The following TMCO6 variants were observed in gnomAD, a reference collection of about 807,000 sequenced individuals.
TMCO6 encodes the protein transmembrane and coiled-coil domains 6.
In TMCO6, 47 loss-of-function variants were observed where a neutral mutation model predicts 61.8. The observed-to-expected ratio is 0.76, with a 90% CI of 0.60 to 0.97. The LOEUF (loss-of-function observed/expected upper bound fraction) is 0.97. TMCO6 is among the 50% of genes least tolerant of loss of function. The pLI, the probability that TMCO6 is intolerant of heterozygous loss-of-function variation, is 0.00. For synonymous variants in TMCO6, 261 were observed against 254.2 expected, an observed-to-expected ratio of 1.03 and a Z score of -0.25; for missense variants, 557 against 601.6, an observed-to-expected ratio of 0.93 and a Z score of 0.78.
the TMCO6 span, chr5:140,632,178 G>A: frequency 3.7e-6 from 6 of 1,613,824 alleles, no homozygotes; most frequent in African/African-American, 4.0e-5. The surrounding 1 kb of genome is among the most constrained non-coding windows in gnomAD (Gnocchi z 6.2). Context: ...GCATCTCGGA[G>A]CGCTAGGGTT....
intron 2 of TMCO6, 89 bp downstream of exon 2, chr5:140,639,940 C>A: frequency 9.1e-7 from 1 of 1,102,156 alleles, no homozygotes. Context: ...AACCTGAACG[C>A]AATCCACTCT....
chr5:140,642,671 C>T lies in TMCO6; in HGVS notation c.689C>T (p.Pro230Leu), dbSNP rs750952346. The T allele has an allele frequency of 6.8e-6, 11 of 1,614,128 alleles. No individual in the cohort carries two copies. Among genetic ancestry groups the T allele is most frequent in the East Asian group, 2.2e-5 (1 of 44,888 alleles). ...QAEEAPEKII[P>L]SILASTLPQH... is the part of the protein sequence containing the mutation. ...GAGGAAGCTCCAGAGAAGATCATTC[C>T]GTGAGTAAAATTGTCTTTAGATGTG... Residue 230 changes from proline to leucine, a missense_variant and splice_region_variant, in exon 6 of 12, where the codon CCC becomes CTC. Coordinates refer to ENST00000394671, the MANE Select transcript of TMCO6 (RefSeq NM_018502.5).
At position 140,645,177 on chromosome 5, in the gene TMCO6, G is replaced by T; in HGVS notation, c.*79G>T. ...TCCAGTAGAGCCTTTGGAGATTTAG[G>T]ACCATAATGAGGTCTCATGTTCTCT... On this transcript the variant is annotated 3_prime_UTR_variant, in exon 12 of 12. Coordinates refer to ENST00000394671, the MANE Select transcript of TMCO6 (RefSeq NM_018502.5). 7.0e-7 allele frequency: 1 copy of T among 1,436,898 alleles called. No individual in the cohort carries two copies. The highest frequency in any genetic ancestry group is 9.7e-7 in the Non-Finnish European group (1 of 1,028,010). 89.0% of individuals were successfully genotyped at this position (1,436,898 alleles called of 1,614,324 possible). A position where few individuals can be genotyped will look rare whatever the true frequency, so the allele number is the denominator to read the frequency against.
chr5:140,632,375 G>A, the TMCO6 span: 2 of 1,614,210 alleles, frequency 1.2e-6, no homozygotes, highest in Non-Finnish European at 8.5e-7. This position sits in a 1 kb window ranked among gnomAD's most constrained non-coding sequence, Gnocchi z 6.2. Context: ...GTCCAGGATT[G>A]TCAGACAGGT....
the TMCO6 span, among the ~76,000 whole-genome samples, chr5:140,617,245 GTGAAA>G: frequency 6.6e-6 from 1 of 152,110 alleles, no homozygotes; most frequent in Admixed American, 6.5e-5. Context: ...GGCCAACATG[GTGAAA>G]CCCCGTCTCT....
At chr5:140,637,224 T>C (rs1581453173), upstream of TMCO6, among the ~76,000 whole-genome samples, 1 of 152,044 alleles carries the variant, frequency 6.6e-6, no homozygotes, top group Non-Finnish European at 1.5e-5. Context: ...TGAGTCCAGA[T>C]TGGAGAGGTA....
the TMCO6 span, among the ~76,000 whole-genome samples, chr5:140,599,566 C>T: frequency 6.6e-6 from 1 of 152,206 alleles, no homozygotes; most frequent in African/African-American, 2.4e-5. Flanking sequence ...AACCAAGAAG[C>T]TCTTTGCTGT....
chr5:140,645,576 C>T (rs981585970), downstream of TMCO6: 12 of 1,614,062 alleles, frequency 7.4e-6, no homozygotes, highest in Admixed American at 6.7e-5. Context: ...TCTTAATCCT[C>T]AGTGGAGGCT....
the TMCO6 span, among the ~76,000 whole-genome samples, chr5:140,624,856 C>CTTT: frequency 3.4e-3 from 108 of 31,678 alleles, 1 homozygote; most frequent in African/African-American, 0.017. Context: ...TTCTTTCTTT[C>CTTT]TTTTTTTTTT....
chr5:140,622,150 G>C, the TMCO6 span, among the ~76,000 whole-genome samples: 1 of 152,170 alleles, frequency 6.6e-6, no homozygotes, highest in Non-Finnish European at 1.5e-5. Context: ...GGTTTTTGCA[G>C]CTTGTGGGGC....
upstream of TMCO6, among the ~76,000 whole-genome samples, chr5:140,635,608 C>A (rs969792591): frequency 6.6e-6 from 1 of 152,126 alleles, no homozygotes; most frequent in African/African-American, 2.4e-5. Context: ...ATTTGTCTAC[C>A]GAGTACTAGG....
At chr5:140,603,888 T>C in the TMCO6 span, among the ~76,000 whole-genome samples, 1 of 152,202 alleles carries the variant, frequency 6.6e-6, no homozygotes, top group African/African-American at 2.4e-5. Flanking sequence ...ATATGGTAAT[T>C]ATATGTTTAA....
At chr5:140,647,694 TA>T, downstream of TMCO6, 2 of 1,431,230 alleles carry the variant, frequency 1.4e-6, no homozygotes, top group Non-Finnish European at 1.9e-6. Context: ...AGGGGCGGGG[TA>T]AAGCTTGGCC....
the TMCO6 span, among the ~76,000 whole-genome samples, chr5:140,622,328 C>T: frequency 6.5e-4 from 99 of 152,152 alleles, no homozygotes; most frequent in Non-Finnish European, 1.3e-3. Flanking sequence ...ATTTTTGTGA[C>T]TTCTTAATGT....
chr5:140,644,542 C>G, intron 10 of TMCO6, 31 bp from the exon 11 acceptor site: 2 of 1,605,094 alleles, frequency 1.2e-6, no homozygotes, highest in African/African-American at 1.3e-5. Flanking sequence ...GTGTTTCATT[C>G]TTTGTAGACT....
chr5:140,643,379 T>C (rs895465786), intron 7 of TMCO6, 185 bp from the exon 8 acceptor site: 1 of 658,000 alleles, frequency 1.5e-6, no homozygotes, highest in African/African-American at 1.8e-5. Context: ...GTATTTCTAA[T>C]AGAGACGGAG....
At chr5:140,608,171 T>C in the TMCO6 span, among the ~76,000 whole-genome samples, 2 of 152,342 alleles carry the variant, frequency 1.3e-5, no homozygotes, top group Admixed American at 1.3e-4. Flanking sequence ...TCATTTATTA[T>C]AATTTCTTTG....
intron 1 of TMCO6, 21 bp downstream of exon 1, chr5:140,639,633 G>A: frequency 6.5e-7 from 1 of 1,540,396 alleles, no homozygotes; most frequent in South Asian, 1.2e-5. Flanking sequence ...CCGAGGGAGC[G>A]CGGGGGTATA....
the TMCO6 span, chr5:140,633,332 C>A: frequency 1.7e-6 from 1 of 593,404 alleles, no homozygotes; most frequent in Admixed American, 2.8e-5. Context: ...GGGAGGGGGA[C>A]CGTAACAGGA....
Sources: allele counts gnomAD v4.1 joint callset (sites outside exome capture counted in the v4.1 genomes callset), GRCh38; gene constraint gnomAD v4.1.1; non-coding constraint Gnocchi (gnomAD v3.1); transcripts MANE v1.5; gene names NCBI Gene and HGNC (gene_info 2026-07-23, HGNC 2026-07-21).